The following CALCRL variants were observed in gnomAD, a reference collection of about 807,000 sequenced individuals.
CALCRL encodes calcitonin gene-related peptide type 1 receptor.
Under a neutral mutation model 60.4 loss-of-function variants are expected in CALCRL, and 27 were observed. The observed-to-expected ratio is 0.45, with a 90% confidence interval of 0.33 to 0.62. The LOEUF (loss-of-function observed/expected upper bound fraction) is 0.62. CALCRL is among the 20% of genes least tolerant of loss of function. The pLI, the probability that CALCRL is intolerant of heterozygous loss-of-function variation, is 0.03. For synonymous variants in CALCRL, 190 were observed against 182.6 expected (o/e 1.04, Z -0.33); for missense variants, 424 against 540.7 (o/e 0.78, Z 2.14).
intron 1 of CALCRL, among the ~76,000 whole-genome samples, chr2:187,402,989 C>T (rs1478633501): frequency 6.6e-6 from 1 of 151,604 alleles, no homozygotes; most frequent in African/African-American, 2.4e-5. Context: ...TAGGCAATCT[C>T]TCTCTGCATG....
chr2:187,371,968 T>C (rs1216350058), intron 8 of CALCRL, among the ~76,000 whole-genome samples: 1 of 152,128 alleles, frequency 6.6e-6, no homozygotes, highest in East Asian at 1.9e-4. Context: ...ATAAGTTAAA[T>C]TGAGAATGCT....
intron 1 of CALCRL, among the ~76,000 whole-genome samples, chr2:187,426,301 C>T (rs533222476): frequency 6.7e-6 from 1 of 149,126 alleles, no homozygotes; most frequent in Non-Finnish European, 1.5e-5. Context: ...AATCTTTTCT[C>T]GTGAAAATCT....
At chr2:187,420,604 A>T (rs1047648734) in intron 1 of CALCRL, among the ~76,000 whole-genome samples, 4 of 152,192 alleles carry the variant, frequency 2.6e-5, no homozygotes, top group African/African-American at 9.6e-5. Flanking sequence ...GATGGTAAAT[A>T]TTATAATATG....
chr2:187,383,834 T>C (rs555172979), intron 4 of CALCRL, among the ~76,000 whole-genome samples: 3 of 152,320 alleles, frequency 2.0e-5, no homozygotes, highest in African/African-American at 7.2e-5. Flanking sequence ...ACATCATTTA[T>C]GATGTTGGTA....
intron 8 of CALCRL, among the ~76,000 whole-genome samples, chr2:187,377,143 AT>A (rs1687790896): frequency 6.6e-6 from 1 of 152,252 alleles, no homozygotes; most frequent in African/African-American, 2.4e-5. Context: ...ACAATGGAAA[AT>A]CTAAAAATTT....
At chr2:187,358,456 A>G (rs1686897895) in intron 12 of CALCRL, among the ~76,000 whole-genome samples, 2 of 152,096 alleles carry the variant, frequency 1.3e-5, no homozygotes, top group Non-Finnish European at 2.9e-5. Flanking sequence ...CACTCACATT[A>G]ACTGATAATA....
chr2:187,399,694 AG>A (rs1264933741), intron 1 of CALCRL, among the ~76,000 whole-genome samples: 1 of 151,628 alleles, frequency 6.6e-6, no homozygotes, highest in African/African-American at 2.4e-5. Flanking sequence ...GAAGATATGG[AG>A]TCAATCTGAG....
chr2:187,440,474 T>C (rs916535781), intron 1 of CALCRL, among the ~76,000 whole-genome samples: 1 of 152,166 alleles, frequency 6.6e-6, no homozygotes, highest in Non-Finnish European at 1.5e-5. Context: ...CTCCCTTTTC[T>C]AAGTTAGGAA....
chr2:187,433,510 T>C (rs1690493279), intron 1 of CALCRL, among the ~76,000 whole-genome samples: 1 of 152,014 alleles, frequency 6.6e-6, no homozygotes, highest in Non-Finnish European at 1.5e-5. Flanking sequence ...AATGGATTAA[T>C]AGGCAAGAAG....
intron 1 of CALCRL, among the ~76,000 whole-genome samples, chr2:187,423,514 G>A (rs1689984687): frequency 6.6e-6 from 1 of 151,732 alleles, no homozygotes; most frequent in Admixed American, 6.6e-5. Flanking sequence ...TATTATTGAG[G>A]AATATTTTAA....
At chr2:187,401,262 T>C (rs1045281306) in intron 1 of CALCRL, among the ~76,000 whole-genome samples, 7 of 151,656 alleles carry the variant, frequency 4.6e-5, no homozygotes, top group South Asian at 2.1e-4. Flanking sequence ...CTCTCACCTC[T>C]CCTGCCTTCT....
At chr2:187,371,548 T>C (rs917012277) in intron 8 of CALCRL, among the ~76,000 whole-genome samples, 2 of 152,108 alleles carry the variant, frequency 1.3e-5, no homozygotes, top group African/African-American at 4.8e-5. Flanking sequence ...GAGTAATTAG[T>C]AGAGCAAACT....
chr2:187,422,078 C>A (rs986497529), intron 1 of CALCRL, among the ~76,000 whole-genome samples: 1 of 152,126 alleles, frequency 6.6e-6, no homozygotes, highest in African/African-American at 2.4e-5. Flanking sequence ...ATTAAAAAAT[C>A]TATTACCAAG....
chr2:187,352,270 G>T lies in CALCRL; in HGVS notation c.972C>A (p.His324Gln). The T allele has an allele frequency of 6.2e-7, 1 of 1,612,118 alleles. No homozygotes were observed. Among genetic ancestry groups the T allele is most frequent in the Non-Finnish European group, 8.5e-7 (1 of 1,178,780 alleles). The change falls in exon 13 of 15, where the codon CAC (histidine) becomes CAA (glutamine). Residue 324 changes from histidine (H) to glutamine (Q), a missense_variant. Physicochemically the swap from His to Gln is conservative, Grantham distance 24 (BLOSUM62 0). Coordinates refer to ENST00000392370, the MANE Select transcript of CALCRL (RefSeq NM_005795.6). ...RVLITKLKVTHQAESNLYMKA... is the reference protein window; with the variant it reads ...RVLITKLKVTQQAESNLYMKA... ...TCATGTACAGATTGGATTCCGCTTG[G>T]TGTGTAACTTTTAACTTGGTGATGA...
chr2:187,398,276 CAG>C lies in CALCRL; in HGVS notation c.-292-10522_-292-10521del, dbSNP rs3836098. ...TATACTTATTTTCCTTCCACAAAGT[CAG>C]GAGTCAAATGCTATGTGAAAACATG... is the stretch of plus-strand genomic sequence containing the variant. On this transcript the variant is annotated intron_variant, in intron 1 of 14. Coordinates refer to ENST00000392370, the MANE Select transcript of CALCRL (RefSeq NM_005795.6). Among the ~76,000 whole-genome samples, 123 of 151,750 alleles carry C rather than the reference CAG, an allele frequency of 8.1e-4. 1 individual carries two copies. In the East Asian group the frequency reaches 0.02, roughly 25 times the overall value.
At chr2:187,375,514 A>C (rs1202980309) in intron 8 of CALCRL, among the ~76,000 whole-genome samples, 1 of 152,208 alleles carries the variant, frequency 6.6e-6, no homozygotes, top group Non-Finnish European at 1.5e-5. Context: ...TTGCTTTAAC[A>C]AAGTGTTGCC....
At chr2:187,399,181 T>A (rs1354514738) in intron 1 of CALCRL, among the ~76,000 whole-genome samples, 2 of 151,588 alleles carry the variant, frequency 1.3e-5, no homozygotes, top group Non-Finnish European at 3.0e-5. Context: ...GATTGTTTTC[T>A]TTTTCACAAA....
rs1450688404 is a variant in CALCRL, at chr2:187,360,646, C to T, written c.733G>A (p.Val245Met). The stretch of plus-strand genomic sequence containing the variant: ...ATTAAATGTTGCTTCTCTGCAAACA[C>T]GGCCACCACAATGAGTGTGTGTAGG... ...IYLHTLIVVA[V>M]FAEKQHLMWY... Residue 245 changes from valine (V) to methionine (M), a missense_variant, in exon 10 of 15, where the codon GTG (valine) becomes ATG (methionine). Val to Met is a conservative substitution (Grantham distance 21). Transcript: ENST00000392370. 15 of 1,612,254 alleles carry T rather than the reference C, an allele frequency of 9.3e-6. No homozygotes were observed. The highest frequency in any genetic ancestry group is 1.7e-5 in the Admixed American group (1 of 59,782).
chr2:187,377,900 A>C (rs1173343508), intron 8 of CALCRL, among the ~76,000 whole-genome samples: 11 of 152,090 alleles, frequency 7.2e-5, no homozygotes, highest in African/African-American at 2.4e-4. Flanking sequence ...TATGAAATAA[A>C]ACTAGAAAAA....
Sources: gnomAD v4.1 joint callset for allele counts (sites outside exome capture counted in the v4.1 genomes callset) on GRCh38, gnomAD v4.1.1 for gene constraint, MANE v1.5 for transcripts, NCBI Gene and HGNC (gene_info 2026-07-23, HGNC 2026-07-21) for gene names.